The following SYNJ2 variants were observed in gnomAD, a reference collection of about 807,000 sequenced individuals.
SYNJ2 encodes the protein synaptojanin 2.
A neutral mutation model predicts 141.3 loss-of-function variants in SYNJ2; 116 were observed. That is an observed-to-expected ratio of 0.82 (90% CI 0.71 to 0.96). SYNJ2 has a LOEUF of 0.96. Ranked by LOEUF, SYNJ2 falls within the 40% of genes least tolerant of loss-of-function variation. The probability of loss-of-function intolerance (pLI) is 0.00; values close to 1 mark genes in which losing one functional copy is unlikely to be tolerated. For missense variants in SYNJ2, 1,873 were observed against 1,934.8 expected (o/e 0.97, Z 0.60); for synonymous variants, 745 against 777.7 (o/e 0.96, Z 0.70).
At chr6:158,029,251 T>A in intron 3 of SYNJ2, 1 of 524,234 alleles carries the variant, frequency 1.9e-6, no homozygotes, top group South Asian at 3.1e-5. Flanking sequence ...CAGTGTAGAT[T>A]TGGAAAAGAA....
At chr6:157,993,616 A>G (rs1738722909) in intron 1 of SYNJ2, among the ~76,000 whole-genome samples, 2 of 151,164 alleles carry the variant, frequency 1.3e-5, no homozygotes, top group South Asian at 4.2e-4. Context: ...GCCCAGGTCA[A>G]TGTCCTGGAG....
chr6:158,067,536 C>T (rs1034626728), intron 12 of SYNJ2: 22 of 985,342 alleles, frequency 2.2e-5, no homozygotes, highest in South Asian at 1.9e-4. Context: ...GTCCAGTCAT[C>T]GTTGACTCGG....
chr6:157,988,984 G>A (rs1479054144), intron 1 of SYNJ2, among the ~76,000 whole-genome samples: 1 of 152,174 alleles, frequency 6.6e-6, no homozygotes, highest in Non-Finnish European at 1.5e-5. Flanking sequence ...GGAGCCTTCT[G>A]GCACTGTTCA....
At position 158,059,424 on chromosome 6, in the gene SYNJ2, G is replaced by A. The variant is rs1196161854; in HGVS notation, c.954+71G>A. On this transcript the variant is annotated intron_variant, in intron 7 of 26. Transcript: ENST00000355585. ...GCCATGGTGGAGCGTTGAGCCTGGAGGTGGCTCCTGCAGGGACTGGAGCTG... is the reference window on the plus strand; with the variant it reads ...GCCATGGTGGAGCGTTGAGCCTGGAAGTGGCTCCTGCAGGGACTGGAGCTG... The A allele has an allele frequency of 2.6e-6, 4 of 1,537,746 alleles. No individual in the cohort carries two copies. The Admixed American group carries it at 7.9e-5, about 30-fold the overall frequency.
In SYNJ2 at chr6:157,982,900, C is replaced by T. The variant is rs530726103; in HGVS notation, c.127+812C>T. Among the ~76,000 whole-genome samples the T allele has an allele frequency of 3.9e-5, 6 of 152,326 alleles. No homozygotes were observed. In the East Asian group the frequency reaches 5.8e-4, roughly 15 times the overall value. On this transcript the variant is annotated intron_variant, in intron 1 of 26. Coordinates refer to ENST00000355585, the MANE Select transcript of SYNJ2 (RefSeq NM_003898.4). This position sits in a 1 kb window ranked among gnomAD's most constrained non-coding sequence, Gnocchi z 4.0. ...TTCAATGCGTGGCTTCCTGGTATCG[C>T]TAACCTGGGTCCCTTGTTTTGTGCT...
At chr6:158,056,460 T>C (rs188682616) in intron 6 of SYNJ2, among the ~76,000 whole-genome samples, 57 of 152,334 alleles carry the variant, frequency 3.7e-4, no homozygotes, top group African/African-American at 9.6e-4. Context: ...TCTTCTGTAA[T>C]GCTTCTTACC....
intron 15 of SYNJ2, among the ~76,000 whole-genome samples, chr6:158,072,045 C>T (rs2128376200): frequency 6.6e-6 from 1 of 152,312 alleles, no homozygotes; most frequent in Middle Eastern, 3.4e-3. Context: ...GTCTGCATGG[C>T]CACTGGATTT....
intron 1 of SYNJ2, among the ~76,000 whole-genome samples, chr6:157,999,940 C>CA (rs1253007829): frequency 6.6e-6 from 1 of 152,100 alleles, no homozygotes; most frequent in African/African-American, 2.4e-5. Context: ...ACATGTTTGA[C>CA]CTTTGGTTGA....
rs1397549342 is a variant in SYNJ2, at chr6:157,982,079, G to A, written c.118G>A (p.Ala40Thr). Residue 40 changes from alanine to threonine, a missense_variant, in exon 1 of 27, where the codon GCC becomes ACC. Transcript: ENST00000355585. The surrounding 1 kb of genome is among the most constrained non-coding windows in gnomAD (Gnocchi z 4.0). ...CCTGCTGTTCGAGGCCGGCACGGTG[G>A]CCACGCTGGGTGAGTCCGGGCCGGG... The part of the protein sequence containing the change: ...DCLLFEAGTV[A>T]TLAPEEKEVI... The A allele has an allele frequency of 1.5e-6, 2 of 1,336,422 alleles. No individual in the cohort carries two copies. Among genetic ancestry groups the A allele is most frequent in the Non-Finnish European group, 1.9e-6 (2 of 1,045,338 alleles). The allele number at this position is 1,336,422 out of a possible 1,614,324, so 82.8% of individuals were successfully genotyped here.
At chr6:158,019,740 T>C (rs1018028421) in intron 2 of SYNJ2, among the ~76,000 whole-genome samples, 3 of 152,012 alleles carry the variant, frequency 2.0e-5, no homozygotes, top group Non-Finnish European at 2.9e-5. Context: ...CCGGAGTGGG[T>C]TGGAGTTTCT....
rs371547274 is a variant in SYNJ2, at chr6:158,071,788, C to T, written c.2127C>T (p.Phe709=). 2.0e-5 allele frequency: 33 copies of T among 1,613,316 alleles called. No homozygotes were observed. In the African/African-American group the frequency reaches 4.1e-4, roughly 20 times the overall value. Residue 709 remains phenylalanine, a synonymous_variant, in exon 15 of 27, where the codon TTC becomes TTT. Transcript: ENST00000355585. The surrounding 1 kb of genome is among the most constrained non-coding windows in gnomAD (Gnocchi z 4.3). ...AGGAGATCACCCAGAAACTCTGCTT[C>T]CCAATGGTGAGCGGCGCCGTGGGGA... ...DYKEITQKLC[F]PMGRNVFSHD... is the part of the protein sequence containing the mutation.
intron 9 of SYNJ2, among the ~76,000 whole-genome samples, chr6:158,064,131 G>A (rs936895161): frequency 2.1e-4 from 32 of 152,344 alleles, no homozygotes; most frequent in African/African-American, 7.7e-4. Flanking sequence ...AAGGCTCCTC[G>A]GGAACAGCGG....
intron 26 of SYNJ2, among the ~76,000 whole-genome samples, chr6:158,094,548 T>C (rs1783684763): frequency 6.6e-6 from 1 of 152,192 alleles, no homozygotes; most frequent in Non-Finnish European, 1.5e-5. Flanking sequence ...AGTGGAACCA[T>C]TGTAAGTCGG....
intron 1 of SYNJ2, among the ~76,000 whole-genome samples, chr6:157,992,693 C>T (rs1777495951): frequency 6.6e-6 from 1 of 152,148 alleles, no homozygotes; most frequent in Non-Finnish European, 1.5e-5. Context: ...CAGGTGTGAG[C>T]AACTGCACTC....
chr6:158,054,144 CCCATCTAT>C (rs1486704898), intron 5 of SYNJ2, among the ~76,000 whole-genome samples: 2 of 150,926 alleles, frequency 1.3e-5, no homozygotes, highest in East Asian at 4.0e-4. Context: ...TACCCATCCA[CCCATCTAT>C]CCATCCACTC....
At position 158,081,113 on chromosome 6, in the gene SYNJ2, G is replaced by A. The variant is rs1323232608; in HGVS notation, c.2572G>A (p.Val858Met). The A allele has an allele frequency of 1.2e-6, 2 of 1,613,760 alleles. No individual in the cohort carries two copies. Among genetic ancestry groups the A allele is most frequent in the East Asian group, 2.2e-5 (1 of 44,904 alleles). ...AELQASDHRP[V>M]LAIVEVEVQE... ...CCTCTTTTGTTCCTAACGCAGACCT[G>A]TGCTGGCGATCGTGGAGGTGGAAGT... The change falls in exon 19 of 27, where the codon GTG (valine) becomes ATG (methionine). Residue 858 changes from valine (V) to methionine (M), a missense_variant. Val to Met is a conservative substitution (Grantham distance 21, BLOSUM62 1). Coordinates refer to ENST00000355585, the MANE Select transcript of SYNJ2 (RefSeq NM_003898.4).
At chr6:158,025,161 A>G (rs577877402) in intron 2 of SYNJ2, among the ~76,000 whole-genome samples, 32 of 152,296 alleles carry the variant, frequency 2.1e-4, no homozygotes, top group African/African-American at 7.5e-4. Context: ...TTCTTGCTCC[A>G]TAGATGCTGC....
In SYNJ2 at chr6:158,086,965, C is replaced by T; in HGVS notation, c.3319C>T (p.Pro1107Ser). The change falls in exon 23 of 27, where the codon CCC becomes TCC. Residue 1107 changes from proline (P) to serine (S), a missense_variant. Physicochemically the swap from Pro to Ser is moderately conservative, Grantham distance 74. Coordinates refer to ENST00000355585, the MANE Select transcript of SYNJ2 (RefSeq NM_003898.4). Reference sequence around the variant, plus strand: ...CCCCAACCGGCCTCGGCCACCTCAACCCCCGCAGAGACCCCCCCCTCCAAG... The same window carrying T: ...CCCCAACCGGCCTCGGCCACCTCAATCCCCGCAGAGACCCCCCCCTCCAAG... Reference protein sequence around the residue: ...SVPNRPRPPQPPQRPPPPTGL... With the variant: ...SVPNRPRPPQSPQRPPPPTGL... 2 of 845,450 alleles carry T rather than the reference C, an allele frequency of 2.4e-6. No individual in the cohort carries two copies. Among genetic ancestry groups the T allele is most frequent in the South Asian group, 2.6e-5 (2 of 76,898 alleles). 52.4% of individuals were successfully genotyped at this position (845,450 alleles called of 1,614,324 possible). A position where few individuals can be genotyped will look rare whatever the true frequency, so the allele number is the denominator to read the frequency against.
intron 1 of SYNJ2, among the ~76,000 whole-genome samples, chr6:158,000,431 G>A (rs1777801486): frequency 6.6e-6 from 1 of 152,158 alleles, no homozygotes; most frequent in Admixed American, 6.5e-5. Context: ...ATGTCCTGGT[G>A]TTCAGAGGCT....
Sources: allele counts gnomAD v4.1 joint callset (sites outside exome capture counted in the v4.1 genomes callset), GRCh38; gene constraint gnomAD v4.1.1; non-coding constraint Gnocchi (gnomAD v3.1); transcripts MANE v1.5; gene names NCBI Gene and HGNC (gene_info 2026-07-23, HGNC 2026-07-21).